The following SH3GL3 variants were observed in gnomAD, a reference collection of about 807,000 sequenced individuals.
SH3GL3 encodes the protein endophilin-A3.
In SH3GL3, 33 loss-of-function variants were observed where a neutral mutation model predicts 47.7. The ratio of observed to expected loss-of-function variants is 0.69; its 90% CI spans 0.52 to 0.92. The LOEUF is 0.92. Among genes scored for constraint, SH3GL3 ranks in the 40% least tolerant of loss-of-function variants. The probability of loss-of-function intolerance (pLI) is 0.00; values close to 1 mark genes in which losing one functional copy is unlikely to be tolerated. For synonymous variants in SH3GL3, 155 were observed against 148.8 expected (o/e 1.04, Z -0.30); for missense variants, 363 against 417.8 (o/e 0.87, Z 1.14).
rs769841879 is a variant in SH3GL3, at chr15:83,591,502, T to G, written c.838+2731T>G. On this transcript the variant is annotated intron_variant, in intron 8 of 8. Coordinates refer to ENST00000427482, the MANE Select transcript of SH3GL3 (RefSeq NM_003027.5). ...TTTTTTTTCATTTAAAAACAAAAATTATCAGAGTAATATGTGTATGTAGTT... is the reference window on the plus strand; with the variant it reads ...TTTTTTTTCATTTAAAAACAAAAATGATCAGAGTAATATGTGTATGTAGTT... Among the ~76,000 whole-genome samples, 20 of 151,738 alleles carry G rather than the reference T, an allele frequency of 1.3e-4. 1 individual carries two copies. The Middle Eastern group carries it at 0.02, about 155-fold the overall frequency.
chr15:83,472,865 T>TG (rs1347772117), intron 1 of SH3GL3, among the ~76,000 whole-genome samples: 1 of 152,144 alleles, frequency 6.6e-6, no homozygotes, highest in Non-Finnish European at 1.5e-5. Context: ...GTAGGGGACA[T>TG]GGGGGGCACT....
intron 5 of SH3GL3, among the ~76,000 whole-genome samples, chr15:83,575,191 C>CA (rs2059641422): frequency 6.6e-6 from 1 of 152,132 alleles, no homozygotes; most frequent in Non-Finnish European, 1.5e-5. Context: ...ACATCTCCCC[C>CA]AAATGCACAG....
chr15:83,459,839 T>C (rs1436666697), intron 1 of SH3GL3, among the ~76,000 whole-genome samples: 1 of 152,146 alleles, frequency 6.6e-6, no homozygotes, highest in Non-Finnish European at 1.5e-5. Flanking sequence ...CATCATTGCC[T>C]TCTGCTCTTC....
At chr15:83,462,247 A>G (rs2040336378) in intron 1 of SH3GL3, among the ~76,000 whole-genome samples, 1 of 152,236 alleles carries the variant, frequency 6.6e-6, no homozygotes, top group South Asian at 2.1e-4. Flanking sequence ...CACTGTGGAC[A>G]GTGTTTCCCA....
chr15:83,545,986 A>C (rs1179033051), intron 1 of SH3GL3, among the ~76,000 whole-genome samples: 1 of 152,230 alleles, frequency 6.6e-6, no homozygotes, highest in Non-Finnish European at 1.5e-5. Flanking sequence ...ACCTGAAGCC[A>C]GAACAGTACT....
chr15:83,599,429 T>C (rs1567026602), intron 8 of SH3GL3, among the ~76,000 whole-genome samples: 2 of 152,248 alleles, frequency 1.3e-5, no homozygotes, highest in South Asian at 2.1e-4. Context: ...CTCCCACTTA[T>C]GGGTGAGAAC....
intron 1 of SH3GL3, among the ~76,000 whole-genome samples, chr15:83,483,508 C>T (rs180740860): frequency 9.2e-4 from 140 of 152,262 alleles, no homozygotes; most frequent in African/African-American, 3.3e-3. Flanking sequence ...TTAGATAGCA[C>T]GGTCATCATG....
chr15:83,587,694 C>T (rs945059641), intron 7 of SH3GL3, among the ~76,000 whole-genome samples: 4 of 152,126 alleles, frequency 2.6e-5, no homozygotes, highest in Non-Finnish European at 5.9e-5. Context: ...TCTGAACAAT[C>T]AAAGAAAGGT....
chr15:83,533,533 A>G (rs1229868245), intron 1 of SH3GL3, among the ~76,000 whole-genome samples: 1 of 152,212 alleles, frequency 6.6e-6, no homozygotes, highest in Non-Finnish European at 1.5e-5. Context: ...ACTGCTTTAA[A>G]TCATATAACA....
intron 8 of SH3GL3, among the ~76,000 whole-genome samples, chr15:83,600,910 T>G (rs538833711): frequency 6.6e-6 from 1 of 152,326 alleles, no homozygotes; most frequent in Admixed American, 6.5e-5. Flanking sequence ...GTCTTTTACC[T>G]TTTTGGTTAG....
chr15:83,492,162 A>G (rs1384517724), intron 1 of SH3GL3, among the ~76,000 whole-genome samples: 1 of 151,630 alleles, frequency 6.6e-6, no homozygotes, highest in Non-Finnish European at 1.5e-5. Context: ...ATGCGCCTGT[A>G]ATCCCAGCTA....
In SH3GL3 at chr15:83,575,077, C is replaced by T. The variant is rs1010415083; in HGVS notation, c.466-1506C>T. Reference sequence around the variant, plus strand: ...TTTTTAATTTTAATTTTTGTGGGTACGTAGTAGGTGTATATGTTGGTGGGG... The same window carrying T: ...TTTTTAATTTTAATTTTTGTGGGTATGTAGTAGGTGTATATGTTGGTGGGG... On this transcript the variant is annotated intron_variant, in intron 5 of 8. Coordinates refer to ENST00000427482, the MANE Select transcript of SH3GL3 (RefSeq NM_003027.5). 5.3e-5 allele frequency among the ~76,000 whole-genome samples: 8 copies of T among 151,886 alleles called. No homozygotes were observed. In the South Asian group the frequency reaches 6.2e-4, roughly 12 times the overall value.
chr15:83,625,854 A>G, the SH3GL3 span, among the ~76,000 whole-genome samples: 1 of 151,842 alleles, frequency 6.6e-6, no homozygotes, highest in Non-Finnish European at 1.5e-5. Context: ...GTTTTTTGAG[A>G]TGGAGTCTTG....
At chr15:83,541,934 G>A (rs759104466) in intron 1 of SH3GL3, among the ~76,000 whole-genome samples, 1 of 152,090 alleles carries the variant, frequency 6.6e-6, no homozygotes, top group Middle Eastern at 3.2e-3. Flanking sequence ...CTTTGTTGAT[G>A]TTGAAAAGCC....
chr15:83,589,270 C>T (rs7167319), intron 8 of SH3GL3, among the ~76,000 whole-genome samples: 46,151 of 152,098 alleles, frequency 0.3, 8,487 homozygotes, highest in Non-Finnish European at 0.41. Flanking sequence ...CATCGCAGTT[C>T]GCTTCCTAGA....
intron 1 of SH3GL3, among the ~76,000 whole-genome samples, chr15:83,545,653 A>G (rs2044358939): frequency 6.6e-6 from 1 of 152,118 alleles, no homozygotes; most frequent in Non-Finnish European, 1.5e-5. Flanking sequence ...GTTTATACCT[A>G]TCATTCCTCT....
chr15:83,492,774 A>G (rs2041927700), intron 1 of SH3GL3, among the ~76,000 whole-genome samples: 4 of 152,244 alleles, frequency 2.6e-5, no homozygotes. Context: ...TGTTTTCCAG[A>G]GTTGTCCAGA....
chr15:83,560,575 T>C (rs879276875), intron 2 of SH3GL3, among the ~76,000 whole-genome samples: 1 of 152,226 alleles, frequency 6.6e-6, no homozygotes, highest in Non-Finnish European at 1.5e-5. Context: ...GTTTTAGTTT[T>C]GGTTGATGGA....
intron 6 of SH3GL3, among the ~76,000 whole-genome samples, chr15:83,579,866 A>G (rs2059787663): frequency 6.6e-6 from 1 of 152,228 alleles, no homozygotes; most frequent in Admixed American, 6.5e-5. Flanking sequence ...TGTCTGTGCC[A>G]TAGCCAGGTG....
Sources: gnomAD v4.1 joint callset for allele counts (sites outside exome capture counted in the v4.1 genomes callset) on GRCh38, gnomAD v4.1.1 for gene constraint, MANE v1.5 for transcripts, NCBI Gene and HGNC (gene_info 2026-07-23, HGNC 2026-07-21) for gene names.